The following PRDM1 variants were observed in gnomAD, a reference collection of about 807,000 sequenced individuals.
PRDM1 encodes the protein PR/SET domain 1.
In PRDM1, 13 loss-of-function variants were observed where a neutral mutation model predicts 62.8. That is an observed-to-expected ratio of 0.21 (90% CI 0.13 to 0.33). The LOEUF is 0.33. Ranked by LOEUF, PRDM1 falls within the 10% of genes least tolerant of loss-of-function variation. The pLI is 1.00. For synonymous variants in PRDM1, 396 were observed against 417.6 expected (o/e 0.95, Z 0.63); for missense variants, 895 against 1,058.8 (o/e 0.85, Z 2.15).
chr6:106,061,142 TC>T (rs1582444647), intron 1 of PRDM1, among the ~76,000 whole-genome samples: 1 of 151,996 alleles, frequency 6.6e-6, no homozygotes, highest in Non-Finnish European at 1.5e-5. Context: ...GTTCCACTGA[TC>T]CGGACTGAGT....
intron 1 of PRDM1, among the ~76,000 whole-genome samples, chr6:106,065,729 C>T (rs1239899509): frequency 2.0e-5 from 3 of 152,108 alleles, no homozygotes; most frequent in African/African-American, 7.2e-5. Context: ...GGTCAGCAGG[C>T]CTTCAGATAA....
At chr6:106,076,648 A>G (rs551745256) in intron 1 of PRDM1, among the ~76,000 whole-genome samples, 1 of 152,338 alleles carries the variant, frequency 6.6e-6, no homozygotes, top group East Asian at 1.9e-4. Context: ...GTAAAATGCA[A>G]TTTTAGACTA....
intron 1 of PRDM1, among the ~76,000 whole-genome samples, chr6:106,075,011 A>G (rs1156393757): frequency 6.6e-6 from 1 of 152,238 alleles, no homozygotes; most frequent in South Asian, 2.1e-4. Flanking sequence ...ATCATTTTAA[A>G]GAAGCTCTAA....
At chr6:106,070,013 G>A (rs1773486017) in intron 1 of PRDM1, among the ~76,000 whole-genome samples, 1 of 152,062 alleles carries the variant, frequency 6.6e-6, no homozygotes, top group African/African-American at 2.4e-5. Flanking sequence ...TTTTTTTGGT[G>A]GTTATCTTTT....
At chr6:106,055,524 G>C (rs1434392966) in intron 1 of PRDM1, among the ~76,000 whole-genome samples, 1 of 152,072 alleles carries the variant, frequency 6.6e-6, no homozygotes, top group Non-Finnish European at 1.5e-5. Context: ...AATCCTTAGA[G>C]GAAAAAAGAA....
intron 1 of PRDM1, among the ~76,000 whole-genome samples, chr6:106,063,887 T>G (rs1773386647): frequency 6.6e-6 from 1 of 152,222 alleles, no homozygotes; most frequent in South Asian, 2.1e-4. Flanking sequence ...TTCTGTTTAC[T>G]TACATGTTTT....
intron 1 of PRDM1, among the ~76,000 whole-genome samples, chr6:106,022,854 C>A (rs1772710185): frequency 6.6e-6 from 1 of 152,188 alleles, no homozygotes; most frequent in Admixed American, 6.5e-5. Context: ...CTGTGCCCGG[C>A]CATAAATGAA....
At chr6:106,073,327 C>G (rs1317954984) in intron 1 of PRDM1, among the ~76,000 whole-genome samples, 2 of 152,104 alleles carry the variant, frequency 1.3e-5, no homozygotes, top group Non-Finnish European at 2.9e-5. Flanking sequence ...GTTGGCTAGG[C>G]TGATTTCCAA....
intron 1 of PRDM1, among the ~76,000 whole-genome samples, chr6:106,010,568 C>T (rs1772533266): frequency 6.6e-6 from 1 of 152,136 alleles, no homozygotes; most frequent in South Asian, 2.1e-4. Flanking sequence ...AACATATTGG[C>T]CAGTTTGATT....
At chr6:106,040,962 C>T (rs1772986084) in intron 1 of PRDM1, among the ~76,000 whole-genome samples, 1 of 152,208 alleles carries the variant, frequency 6.6e-6, no homozygotes, top group Non-Finnish European at 1.5e-5. Flanking sequence ...GTATATTCAA[C>T]CATTCCTGCT....
chr6:106,024,400 T>C (rs1242080036), intron 1 of PRDM1, among the ~76,000 whole-genome samples: 1 of 152,176 alleles, frequency 6.6e-6, no homozygotes, highest in East Asian at 1.9e-4. Context: ...ATTAGTACTA[T>C]GTCTCATTCA....
chr6:106,029,301 A>G (rs75791562), intron 1 of PRDM1, among the ~76,000 whole-genome samples: 5 of 152,334 alleles, frequency 3.3e-5, no homozygotes, highest in Non-Finnish European at 5.9e-5. Flanking sequence ...ATTTATATGT[A>G]TGGTGATGTA....
intron 1 of PRDM1, among the ~76,000 whole-genome samples, chr6:106,000,664 T>C (rs1185571459): frequency 6.6e-6 from 1 of 152,178 alleles, no homozygotes; most frequent in East Asian, 1.9e-4. Context: ...CTGACATAAA[T>C]AGTATCATCA....
chr6:106,082,088 C>T (rs79525218), upstream of PRDM1, among the ~76,000 whole-genome samples: 17 of 152,060 alleles, frequency 1.1e-4, no homozygotes, highest in Non-Finnish European at 2.4e-4. Context: ...GCTACTCTTC[C>T]GGTTCTCCAA....
chr6:106,041,095 T>G (rs7761376), intron 1 of PRDM1, among the ~76,000 whole-genome samples: 87,980 of 152,064 alleles, frequency 0.58, 26,015 homozygotes, highest in East Asian at 0.81. Context: ...TGGCACCACA[T>G]AGCAATGCTT....
chr6:106,042,931 A>G (rs1452297183), intron 1 of PRDM1, among the ~76,000 whole-genome samples: 1 of 152,068 alleles, frequency 6.6e-6, no homozygotes, highest in Non-Finnish European at 1.5e-5. Flanking sequence ...GCTCACCGCA[A>G]TCTCCACCTC....
chr6:106,109,257 C>A lies in PRDM1; in HGVS notation c.*1771C>A, dbSNP rs575723093. ...CAAAACAACCAGGGAGGAAGAGATA[C>A]ATCATTTTTTAGTATTAAGGACCAT... On this transcript the variant is annotated 3_prime_UTR_variant, in exon 7 of 7. Coordinates refer to ENST00000369096, the MANE Select transcript of PRDM1 (RefSeq NM_001198.4). 2 of 232,004 alleles carry A rather than the reference C, an allele frequency of 8.6e-6. No homozygotes were observed. Among genetic ancestry groups the A allele is most frequent in the South Asian group, 3.6e-4 (2 of 5,520 alleles). 14.4% of individuals were successfully genotyped at this position (232,004 alleles called of 1,614,324 possible). A position where few individuals can be genotyped will look rare whatever the true frequency, so the allele number is the denominator to read the frequency against.
chr6:106,002,931 C>G (rs1469130420), intron 1 of PRDM1, among the ~76,000 whole-genome samples: 1 of 152,178 alleles, frequency 6.6e-6, no homozygotes, highest in Non-Finnish European at 1.5e-5. Flanking sequence ...TTGGAGCATT[C>G]AGCAGGATTA....
At chr6:106,011,575 C>G (rs1284505315) in intron 1 of PRDM1, among the ~76,000 whole-genome samples, 1 of 152,036 alleles carries the variant, frequency 6.6e-6, no homozygotes, top group Non-Finnish European at 1.5e-5. Context: ...AGGGCAGTGC[C>G]CAGACAAGTG....
Sources: gnomAD v4.1 joint callset for allele counts (sites outside exome capture counted in the v4.1 genomes callset) on GRCh38, gnomAD v4.1.1 for gene constraint, MANE v1.5 for transcripts, NCBI Gene and HGNC (gene_info 2026-07-23, HGNC 2026-07-21) for gene names.